AFF1: variants seen among roughly 807,000 people sequenced by gnomAD.
AFF1 encodes the protein AF4/FMR2 family member 1.
Under a neutral mutation model 121.7 loss-of-function variants are expected in AFF1, and 48 were observed. That is an observed-to-expected ratio of 0.39 (90% CI 0.31 to 0.50). AFF1 has a LOEUF of 0.50. Ranked by LOEUF, AFF1 falls within the 20% of genes least tolerant of loss-of-function variation. The pLI is 0.76. For synonymous variants in AFF1, 613 were observed against 563.0 expected (o/e 1.09, Z -1.26); for missense variants, 1,523 against 1,511.7 (o/e 1.01, Z -0.12).
At chr4:86,937,663 C>T (rs948597275) in intron 1 of AFF1, among the ~76,000 whole-genome samples, 1 of 152,170 alleles carries the variant, frequency 6.6e-6, no homozygotes, top group South Asian at 2.1e-4. Context: ...CTCACTGCAA[C>T]CTCCAACTCC....
intron 20 of AFF1, among the ~76,000 whole-genome samples, 188 bp downstream of exon 20, chr4:87,134,882 G>A (rs757372606): frequency 2.6e-5 from 4 of 152,192 alleles, no homozygotes; most frequent in Non-Finnish European, 4.4e-5. Flanking sequence ...GTGGCATGGA[G>A]CTGAGTTTCT....
At chr4:87,073,066 TAA>T (rs539470714) in intron 4 of AFF1, among the ~76,000 whole-genome samples, 3 of 137,914 alleles carry the variant, frequency 2.2e-5, no homozygotes, top group Admixed American at 7.2e-5. Flanking sequence ...TAGTAAGCCT[TAA>T]AAAAAAAAAA....
In AFF1 at chr4:87,138,102, C is replaced by A. The variant is rs1729443870; in HGVS notation, c.*2401C>A. The A allele has an allele frequency of 4.4e-6, 1 of 228,930 alleles. No individual in the cohort carries two copies. Among genetic ancestry groups the A allele is most frequent in the Non-Finnish European group, 8.6e-6 (1 of 115,920 alleles). 14.2% of individuals were successfully genotyped at this position (228,930 alleles called of 1,614,324 possible). ...GAAAAAGTAACAAATGTGCATAGAT[C>A]AATTTGTACTACTTTGGTCATTGGA... On this transcript the variant is annotated 3_prime_UTR_variant, in exon 21 of 21. Transcript: ENST00000395146.
intron 11 of AFF1, among the ~76,000 whole-genome samples, chr4:87,109,922 A>G (rs1210453985): frequency 6.6e-6 from 1 of 152,222 alleles, no homozygotes; most frequent in Non-Finnish European, 1.5e-5. Flanking sequence ...ACTGAGGCTT[A>G]TCCTCCTGGG....
chr4:87,045,532 C>T lies in AFF1; in HGVS notation c.39-634C>T, dbSNP rs28653214. Among the ~76,000 whole-genome samples, 1,452 of 151,974 alleles carry T rather than the reference C, an allele frequency of 9.6e-3. 15 individuals carry two copies. Among genetic ancestry groups the T allele is most frequent in the Non-Finnish European group, 0.016 (1,113 of 67,974 alleles). ...TAAGTAGGGCAGTCAGATTATAAAGCGTTCTCCGTCGGTAGAGCTGACATC... is the reference window on the plus strand; with the variant it reads ...TAAGTAGGGCAGTCAGATTATAAAGTGTTCTCCGTCGGTAGAGCTGACATC... On this transcript the variant is annotated intron_variant, in intron 2 of 20. Coordinates refer to ENST00000395146, the MANE Select transcript of AFF1 (RefSeq NM_001166693.3).
intron 2 of AFF1, chr4:86,950,248 G>C: frequency 1.2e-6 from 1 of 831,386 alleles, no homozygotes; most frequent in Non-Finnish European, 2.0e-6. Context: ...CCATGATCTT[G>C]GCTCACTGCA....
intron 8 of AFF1, among the ~76,000 whole-genome samples, chr4:87,098,784 CT>C (rs1193952329): frequency 6.6e-6 from 1 of 152,092 alleles, no homozygotes; most frequent in African/African-American, 2.4e-5. Flanking sequence ...TGGAAGGTTT[CT>C]TTTGAAGTGA....
At chr4:87,046,619 G>A in intron 3 of AFF1, 76 bp from the exon 4 acceptor site, 2 of 1,435,880 alleles carry the variant, frequency 1.4e-6, no homozygotes. Context: ...TTCCTTAATA[G>A]TATTATATAA....
rs1748329834 is a variant in AFF1 at position 86,935,031 on chromosome 4, G to C, written c.-246G>C. 6.6e-6 allele frequency: 1 copy of C among 151,882 alleles called. No individual in the cohort carries two copies. Among genetic ancestry groups the C allele is most frequent in the Non-Finnish European group, 1.5e-5 (1 of 67,928 alleles). 9.4% of individuals were successfully genotyped at this position (151,882 alleles called of 1,614,324 possible). On this transcript the variant is annotated 5_prime_UTR_variant, in exon 1 of 21. Transcript: ENST00000395146. ...TTGCCAGCCAGCTAGCGAGCGACGG[G>C]CGCGCGCGGCCCCTGCGCACTCGGC...
intron 2 of AFF1, among the ~76,000 whole-genome samples, chr4:86,966,434 A>G (rs532601607): frequency 1.3e-5 from 2 of 152,052 alleles, no homozygotes; most frequent in African/African-American, 2.4e-5. Context: ...TTTTTATACT[A>G]TGGATTTTCT....
chr4:87,102,785 G>A (rs552758120), intron 8 of AFF1, among the ~76,000 whole-genome samples: 9 of 152,314 alleles, frequency 5.9e-5, no homozygotes, highest in East Asian at 3.9e-4. Context: ...CTTTATTGCC[G>A]TGACTGAGAC....
chr4:87,008,620 G>GTTT (rs11355941), intron 2 of AFF1, among the ~76,000 whole-genome samples: 5 of 145,012 alleles, frequency 3.4e-5, no homozygotes, highest in African/African-American at 1.3e-4. Context: ...GAAATTTAGT[G>GTTT]TTTTTTTTTT....
At chr4:87,134,829 C>CT (rs1578330513) in intron 20 of AFF1, 135 bp downstream of exon 20, 3 of 821,056 alleles carry the variant, frequency 3.7e-6, no homozygotes, top group Non-Finnish European at 5.5e-6. Flanking sequence ...TATATTTTCT[C>CT]TATTCTGCCT....
rs183210082 is a variant in AFF1 at position 87,087,665 on chromosome 4, G to A, written c.1105-2319G>A. Among the ~76,000 whole-genome samples, 5 of 152,278 alleles carry A rather than the reference G, an allele frequency of 3.3e-5. No homozygotes were observed. In the East Asian group the frequency reaches 9.6e-4, roughly 29 times the overall value. ...GTCCCTCTAGTAAGCTAGGCATGTAGGGAAGTATATAAATCCTTTCAGACT... is the reference window on the plus strand; with the variant it reads ...GTCCCTCTAGTAAGCTAGGCATGTAAGGAAGTATATAAATCCTTTCAGACT... On this transcript the variant is annotated intron_variant, in intron 5 of 20. Transcript: ENST00000395146.
At chr4:87,002,264 A>G (rs1306062651) in intron 2 of AFF1, among the ~76,000 whole-genome samples, 1 of 150,812 alleles carries the variant, frequency 6.6e-6, no homozygotes. Context: ...AGCTAATTAC[A>G]AAAATTTTTT....
At chr4:87,010,803 C>G (rs1235232228) in intron 2 of AFF1, among the ~76,000 whole-genome samples, 6 of 152,102 alleles carry the variant, frequency 3.9e-5, no homozygotes, top group South Asian at 2.1e-4. Context: ...AAAAAATCAC[C>G]TGGGCCGGGT....
chr4:87,072,613 C>G (rs1473406157), intron 4 of AFF1, among the ~76,000 whole-genome samples: 1 of 151,164 alleles, frequency 6.6e-6, no homozygotes, highest in Non-Finnish European at 1.5e-5. Flanking sequence ...CCTCCGCCTC[C>G]TAGGTTCAGC....
chr4:86,972,821 T>C (rs952708518), intron 2 of AFF1, among the ~76,000 whole-genome samples: 1 of 152,212 alleles, frequency 6.6e-6, no homozygotes, highest in Non-Finnish European at 1.5e-5. Flanking sequence ...ATTACAGGCC[T>C]GAGCTAGCAC....
At chr4:86,941,258 C>T (rs1437097838) in intron 1 of AFF1, among the ~76,000 whole-genome samples, 1 of 152,112 alleles carries the variant, frequency 6.6e-6, no homozygotes, top group Admixed American at 6.5e-5. Flanking sequence ...TGCCTGTAAT[C>T]GCAGCACTTT....
Sources: gnomAD v4.1 joint callset for allele counts (sites outside exome capture counted in the v4.1 genomes callset) on GRCh38, gnomAD v4.1.1 for gene constraint, MANE v1.5 for transcripts, NCBI Gene and HGNC (gene_info 2026-07-23, HGNC 2026-07-21) for gene names.